Variants in CCT3 observed in about 807,000 individuals in gnomAD.
CCT3 encodes the protein chaperonin containing TCP1 subunit 3.
A neutral mutation model predicts 65.3 loss-of-function variants in CCT3; 10 were observed. That is an observed-to-expected ratio of 0.15 (90% CI 0.09 to 0.26). The LOEUF (loss-of-function observed/expected upper bound fraction) is 0.26. Among genes scored for constraint, CCT3 ranks in the 10% least tolerant of loss-of-function variants. The pLI, the probability that CCT3 is intolerant of heterozygous loss-of-function variation, is 1.00. For synonymous variants in CCT3, 225 were observed against 242.3 expected, an observed-to-expected ratio of 0.93 and a Z score of 0.66; for missense variants, 626 against 708.7, an observed-to-expected ratio of 0.88 and a Z score of 1.33.
Position 156,335,597 on chromosome 1 carries a change from G to A in CCT3, c.93+230C>T, listed in dbSNP as rs1570939103. The A allele has an allele frequency of 1.9e-5, 9 of 481,924 alleles. No homozygotes were observed. The East Asian group carries it at 2.8e-4, about 15-fold the overall frequency. 29.9% of individuals were successfully genotyped at this position (481,924 alleles called of 1,614,324 possible). ...ATAGAATACTATAAAACAATACACA[G>A]CAACAGAATAATGCACAAGTTAATA... On this transcript the variant is annotated intron_variant, in intron 2 of 13. Transcript: ENST00000295688.
At chr1:156,312,312 G>T in intron 10 of CCT3, 91 bp from the exon 11 acceptor site, 1 of 1,211,894 alleles carries the variant, frequency 8.3e-7, no homozygotes, top group Non-Finnish European at 1.1e-6. Context: ...AGGGATAAGG[G>T]CAAAAGTGGA....
At chr1:156,317,885 T>C (rs11264470) in intron 8 of CCT3, among the ~76,000 whole-genome samples, 1,855 of 152,068 alleles carry the variant, frequency 0.012, 36 homozygotes, top group African/African-American at 0.043. Context: ...ACTTTTTTTT[T>C]GTATTTTTAG....
In CCT3 at chr1:156,338,221, G is replaced by A. The variant is rs1329901373; in HGVS notation, c.-37C>T. The stretch of plus-strand genomic sequence containing the variant: ...GCAGAGCCGGGTACCCAGAGCTGGG[G>A]GAACCGGCAGAACCTTCTGGAGAGA... On this transcript the variant is annotated 5_prime_UTR_variant, in exon 1 of 14. Transcript: ENST00000295688. 4.5e-6 allele frequency: 7 copies of A among 1,572,864 alleles called. No homozygotes were observed. In the East Asian group the frequency reaches 9.2e-5, roughly 21 times the overall value.
Position 156,310,662 on chromosome 1 carries a change from T to C in CCT3, c.1429A>G (p.Thr477Ala), listed in dbSNP as rs776110119. The C allele has an allele frequency of 6.2e-7, 1 of 1,613,798 alleles. No homozygotes were observed. Among genetic ancestry groups the C allele is most frequent in the Non-Finnish European group, 8.5e-7 (1 of 1,179,740 alleles). The stretch of plus-strand genomic sequence containing the variant: ...CCCGTCTCACCATTTACACCCCAGG[T>C]CTCACAGTTCTCCTGGGTGTGCTTG... Reference protein sequence around the residue: ...RAKHTQENCETWGVNGETGTL... With the variant: ...RAKHTQENCEAWGVNGETGTL... The change falls in exon 13 of 14, where the codon ACC (threonine) becomes GCC (alanine). Residue 477 changes from threonine (T) to alanine (A), a missense_variant. By Grantham distance (58) the Thr-to-Ala change is moderately conservative. Transcript: ENST00000295688.
At chr1:156,327,552 C>T (rs1475730154) in intron 5 of CCT3, among the ~76,000 whole-genome samples, 1 of 152,240 alleles carries the variant, frequency 6.6e-6, no homozygotes, top group Non-Finnish European at 1.5e-5. Flanking sequence ...CCCGGCCTCC[C>T]GAGGTGCCGG....
At chr1:156,327,386 CCCTG>C (rs1468496239) in intron 5 of CCT3, among the ~76,000 whole-genome samples, 2 of 152,204 alleles carry the variant, frequency 1.3e-5, no homozygotes, top group African/African-American at 4.8e-5. Flanking sequence ...ACTGCAACCT[CCCTG>C]CCTGATTCTC....
In CCT3 at chr1:156,320,910, C is replaced by G; in HGVS notation, c.538G>C (p.Val180Leu). 6.2e-7 allele frequency: 1 copy of G among 1,613,970 alleles called. No homozygotes were observed. Among genetic ancestry groups the G allele is most frequent in the South Asian group, 1.1e-5 (1 of 91,064 alleles). The part of the protein sequence containing the change: ...SLACNIALDA[V>L]KMVQFEENGR... ...TTCTCCTCAAACTGTACCATCTTGA[C>G]AGCATCCAGGGCAATGTTGCAAGCC... The change falls in exon 7 of 14, where the codon GTC (valine) becomes CTC (leucine). Residue 180 changes from valine to leucine, a missense_variant. Coordinates refer to ENST00000295688, the MANE Select transcript of CCT3 (RefSeq NM_005998.5).
At chr1:156,324,212 C>T (rs752063100) in intron 6 of CCT3, among the ~76,000 whole-genome samples, 6 of 151,400 alleles carry the variant, frequency 4.0e-5, no homozygotes, top group Non-Finnish European at 7.4e-5. Flanking sequence ...GGATTACAGG[C>T]GCCTGCCACC....
intron 5 of CCT3, among the ~76,000 whole-genome samples, chr1:156,330,265 A>G (rs1308386181): frequency 1.3e-5 from 2 of 152,228 alleles, no homozygotes; most frequent in Admixed American, 6.5e-5. Context: ...CTAAAAGTCC[A>G]TAACTGGCTA....
chr1:156,336,722 T>A (rs1163168409), intron 1 of CCT3, among the ~76,000 whole-genome samples: 1 of 152,092 alleles, frequency 6.6e-6, no homozygotes, highest in Non-Finnish European at 1.5e-5. Context: ...CAAACCAACA[T>A]AATGTTTATT....
Position 156,310,596 on chromosome 1 carries a change from A to G in CCT3, c.1495T>C (p.Leu499=). 6.2e-7 allele frequency: 1 copy of G among 1,613,930 alleles called. No individual in the cohort carries two copies. Among genetic ancestry groups the G allele is most frequent in the Non-Finnish European group, 8.5e-7 (1 of 1,179,844 alleles). Reference sequence around the variant, plus strand: ...TTATAAGTCTGCAGCTTCACAGCCAATGGCTCCCATATGCCCAGTTCCTTC... The same window carrying G: ...TTATAAGTCTGCAGCTTCACAGCCAGTGGCTCCCATATGCCCAGTTCCTTC... The part of the protein sequence containing the change: ...DMKELGIWEP[L]AVKLQTYKTA... Residue 499 remains leucine, a synonymous_variant, in exon 13 of 14, where the codon TTG becomes CTG. Coordinates refer to ENST00000295688, the MANE Select transcript of CCT3 (RefSeq NM_005998.5).
chr1:156,310,224 G>A (rs1023970737), intron 13 of CCT3, among the ~76,000 whole-genome samples: 2 of 151,964 alleles, frequency 1.3e-5, no homozygotes, highest in African/African-American at 2.4e-5. Context: ...TGGGCATGGT[G>A]GCTCATGCCT....
At chr1:156,330,026 T>C (rs1270666280) in intron 5 of CCT3, among the ~76,000 whole-genome samples, 1 of 152,078 alleles carries the variant, frequency 6.6e-6, no homozygotes, top group Non-Finnish European at 1.5e-5. Flanking sequence ...ACAGAAGATT[T>C]CTTTAGGGCT....
At chr1:156,314,097 A>C (rs1414733286) in intron 10 of CCT3, among the ~76,000 whole-genome samples, 2 of 151,942 alleles carry the variant, frequency 1.3e-5, no homozygotes, top group Non-Finnish European at 2.9e-5. Flanking sequence ...AAAAAAAAAA[A>C]AAAAAAAGTC....
chr1:156,317,771 C>T (rs180968762), intron 8 of CCT3, among the ~76,000 whole-genome samples: 15 of 151,372 alleles, frequency 9.9e-5, no homozygotes, highest in Non-Finnish European at 1.6e-4. Context: ...TGTAATGGCG[C>T]GATCTTGGCT....
chr1:156,321,229 C>T (rs1465676757), intron 6 of CCT3, among the ~76,000 whole-genome samples: 4 of 152,304 alleles, frequency 2.6e-5, no homozygotes, highest in East Asian at 3.9e-4. Context: ...CATCTGTAGA[C>T]GGTGCCTTAA....
rs912070989 is a variant in CCT3, at chr1:156,317,446, G to A, written c.861C>T (p.Pro287=). 24 of 1,613,570 alleles carry A rather than the reference G, an allele frequency of 1.5e-5. No individual in the cohort carries two copies. The highest frequency in any genetic ancestry group is 4.5e-5 in the East Asian group (2 of 44,886). The stretch of plus-strand genomic sequence containing the variant: ...TGCCCTTTTCAGTGATGACCACATC[G>A]GGCTTCAGTTGGATAATGTCCTCAC... ...QLCEDIIQLK[P]DVVITEKGIS... is the part of the protein sequence containing the mutation. Residue 287 remains proline (P), a synonymous_variant, in exon 9 of 14, where the codon CCC becomes CCT. Coordinates refer to ENST00000295688, the MANE Select transcript of CCT3 (RefSeq NM_005998.5).
At chr1:156,337,191 G>C in intron 1 of CCT3, 5 of 548,756 alleles carry the variant, frequency 9.1e-6, no homozygotes, top group South Asian at 8.5e-5. Context: ...GATCACCTGA[G>C]CTCATCAGCA....
At chr1:156,338,043 T>C (rs983053764) in intron 1 of CCT3, 111 bp downstream of exon 1, 2 of 1,191,700 alleles carry the variant, frequency 1.7e-6, no homozygotes, top group African/African-American at 1.5e-5. Context: ...AAGACGATGA[T>C]TGGAAGGCTC....
Sources: allele counts gnomAD v4.1 joint callset (sites outside exome capture counted in the v4.1 genomes callset), GRCh38; gene constraint gnomAD v4.1.1; transcripts MANE v1.5; gene names NCBI Gene and HGNC (gene_info 2026-07-23, HGNC 2026-07-21).